Variants in CBFA2T2 observed in about 807,000 individuals in gnomAD.
CBFA2T2 encodes CBFA2/RUNX1 partner transcriptional co-repressor 2.
In CBFA2T2, 11 loss-of-function variants were observed where a neutral mutation model predicts 62.2. That is an observed-to-expected ratio of 0.18 (90% CI 0.11 to 0.29). The LOEUF is 0.29. Ranked by LOEUF, CBFA2T2 falls within the 10% of genes least tolerant of loss-of-function variation. The pLI is 1.00. For missense variants in CBFA2T2, 592 were observed against 774.1 expected (o/e 0.76, Z 2.79); for synonymous variants, 295 against 287.5 (o/e 1.03, Z -0.27).
chr20:33,529,330 G>C (rs916273238), intron 1 of CBFA2T2, among the ~76,000 whole-genome samples: 1 of 152,006 alleles, frequency 6.6e-6, no homozygotes, highest in Non-Finnish European at 1.5e-5. Flanking sequence ...CAGTGCACCA[G>C]TTATTTTTAC....
At chr20:33,595,743 T>TGCACAACC (rs1287980940) in intron 1 of CBFA2T2, among the ~76,000 whole-genome samples, 2 of 151,882 alleles carry the variant, frequency 1.3e-5, no homozygotes, top group East Asian at 1.9e-4. Flanking sequence ...TTTTGCCATG[T>TGCACAACC]TGGCCAGGCT....
At chr20:33,510,898 A>G (rs565125578) in intron 1 of CBFA2T2, among the ~76,000 whole-genome samples, 52 of 152,250 alleles carry the variant, frequency 3.4e-4, no homozygotes, top group Middle Eastern at 3.4e-3. Flanking sequence ...GTTGATGAGC[A>G]TTTTTTATGT....
At chr20:33,532,554 T>C (rs191522242) in intron 1 of CBFA2T2, among the ~76,000 whole-genome samples, 95 of 152,358 alleles carry the variant, frequency 6.2e-4, no homozygotes, top group Middle Eastern at 3.4e-3. Flanking sequence ...ATTTCAGTTA[T>C]TTTCTGCTAA....
intron 1 of CBFA2T2, among the ~76,000 whole-genome samples, chr20:33,565,983 A>C (rs1192595354): frequency 6.6e-6 from 1 of 152,214 alleles, no homozygotes; most frequent in East Asian, 1.9e-4. Flanking sequence ...CAGTTCATTG[A>C]TGGTTATTCT....
At chr20:33,491,304 A>G (rs2011145076) in intron 1 of CBFA2T2, among the ~76,000 whole-genome samples, 1 of 152,208 alleles carries the variant, frequency 6.6e-6, no homozygotes, top group Non-Finnish European at 1.5e-5. Flanking sequence ...AGATAGACCG[A>G]ACTGGGGTTT....
intron 1 of CBFA2T2, among the ~76,000 whole-genome samples, chr20:33,559,927 G>A (rs1201138141): frequency 6.6e-6 from 1 of 152,126 alleles, no homozygotes; most frequent in African/African-American, 2.4e-5. Flanking sequence ...GACAAGTTTT[G>A]TACATTTTCT....
At chr20:33,643,164 T>C (rs1205332958) in intron 10 of CBFA2T2, among the ~76,000 whole-genome samples, 1 of 152,220 alleles carries the variant, frequency 6.6e-6, no homozygotes, top group Admixed American at 6.5e-5. Flanking sequence ...AGGCCAGGAC[T>C]GGAGGTTAGG....
At chr20:33,598,794 A>G (rs892128725) in intron 1 of CBFA2T2, among the ~76,000 whole-genome samples, 1 of 152,350 alleles carries the variant, frequency 6.6e-6, no homozygotes, top group East Asian at 1.9e-4. Flanking sequence ...AAATAAAAGT[A>G]TTAATTTGGG....
At chr20:33,627,332 G>A (rs933149839) in intron 6 of CBFA2T2, among the ~76,000 whole-genome samples, 5 of 152,106 alleles carry the variant, frequency 3.3e-5, no homozygotes, top group African/African-American at 1.2e-4. Flanking sequence ...GGGAGGTGGG[G>A]GTTGCAGTGA....
intron 1 of CBFA2T2, among the ~76,000 whole-genome samples, chr20:33,500,050 C>T (rs1026990937): frequency 7.2e-5 from 11 of 151,982 alleles, no homozygotes; most frequent in African/African-American, 1.9e-4. Context: ...CCTCCACCAC[C>T]GAGGTTCAAG....
chr20:33,591,210 A>G (rs1292171445), intron 1 of CBFA2T2, among the ~76,000 whole-genome samples: 1 of 144,704 alleles, frequency 6.9e-6, no homozygotes, highest in Non-Finnish European at 1.5e-5. Flanking sequence ...ATAGCTGGGC[A>G]TGGTGGCTCA....
chr20:33,514,190 A>C (rs2011558029), intron 1 of CBFA2T2, among the ~76,000 whole-genome samples: 1 of 133,066 alleles, frequency 7.5e-6, no homozygotes, highest in Non-Finnish European at 1.6e-5. Flanking sequence ...GGCGTGAGCC[A>C]CCGTGCCCTG....
intron 1 of CBFA2T2, among the ~76,000 whole-genome samples, chr20:33,505,641 C>T (rs529024316): frequency 3.7e-4 from 57 of 152,050 alleles, no homozygotes; most frequent in African/African-American, 1.2e-3. Context: ...ATTAGCCAGG[C>T]GTGGTGGTGC....
chr20:33,587,699 C>T (rs1016270532), intron 1 of CBFA2T2, among the ~76,000 whole-genome samples: 1 of 152,210 alleles, frequency 6.6e-6, no homozygotes, highest in East Asian at 1.9e-4. Context: ...GCGTCCAGCC[C>T]CGTACCCAGT....
chr20:33,591,002 C>G (rs1349403703), intron 1 of CBFA2T2, among the ~76,000 whole-genome samples: 2 of 151,360 alleles, frequency 1.3e-5, no homozygotes, highest in Admixed American at 6.6e-5. Flanking sequence ...TGGTGAAACC[C>G]CATCTCTACT....
intron 1 of CBFA2T2, among the ~76,000 whole-genome samples, chr20:33,588,086 T>C (rs1429577729): frequency 1.3e-5 from 2 of 152,192 alleles, no homozygotes; most frequent in Non-Finnish European, 2.9e-5. Flanking sequence ...ATTACTGAGG[T>C]ATGATTGACA....
At chr20:33,616,009 G>A (rs1259570484) in intron 3 of CBFA2T2, among the ~76,000 whole-genome samples, 3 of 152,034 alleles carry the variant, frequency 2.0e-5, no homozygotes, top group Admixed American at 6.6e-5. Context: ...CCAGGAGTTC[G>A]AGGCTGCCAT....
intron 1 of CBFA2T2, among the ~76,000 whole-genome samples, chr20:33,588,251 T>C (rs1486394969): frequency 2.6e-5 from 4 of 152,070 alleles, no homozygotes; most frequent in Non-Finnish European, 5.9e-5. Context: ...TGTTAGTCTT[T>C]GTTTTAACTT....
chr20:33,636,349 G>C (rs2016630992), intron 8 of CBFA2T2, among the ~76,000 whole-genome samples: 1 of 151,890 alleles, frequency 6.6e-6, no homozygotes, highest in Non-Finnish European at 1.5e-5. Flanking sequence ...GATGTTTATA[G>C]GGGAAAAAAT....
Sources: gnomAD v4.1 joint callset for allele counts (sites outside exome capture counted in the v4.1 genomes callset) on GRCh38, gnomAD v4.1.1 for gene constraint, MANE v1.5 for transcripts, NCBI Gene and HGNC (gene_info 2026-07-23, HGNC 2026-07-21) for gene names.